The following COG7 variants were observed in gnomAD, a reference collection of about 807,000 sequenced individuals.
COG7 encodes component of oligomeric golgi complex 7.
COG7 carries 49 observed loss-of-function variants against 91.5 expected under a neutral mutation model. That is an observed-to-expected ratio of 0.54 (90% confidence interval 0.43 to 0.68). The LOEUF (loss-of-function observed/expected upper bound fraction) is 0.68, where lower values mean the gene tolerates loss of function less well. COG7 is among the 30% of genes least tolerant of loss of function. The pLI, the probability that COG7 is intolerant of heterozygous loss-of-function variation, is 0.00. For synonymous variants in COG7, 365 were observed against 388.7 expected (o/e 0.94, Z 0.72); for missense variants, 895 against 961.3 (o/e 0.93, Z 0.91).
intron 10 of COG7, among the ~76,000 whole-genome samples, chr16:23,412,174 C>A (rs924472600): frequency 2.6e-5 from 4 of 152,168 alleles, no homozygotes; most frequent in African/African-American, 9.7e-5. Context: ...AGCCACTGTG[C>A]CCAGCCTGCT....
chr16:23,395,913 G>A (rs1278646453), intron 14 of COG7, among the ~76,000 whole-genome samples: 1 of 152,216 alleles, frequency 6.6e-6, no homozygotes, highest in Non-Finnish European at 1.5e-5. Context: ...TCAGGACCTC[G>A]GATCATCATC....
intron 1 of COG7, among the ~76,000 whole-genome samples, chr16:23,451,725 CAAA>C (rs34572078): frequency 3.7e-4 from 29 of 78,308 alleles, no homozygotes; most frequent in Admixed American, 6.9e-4. Flanking sequence ...GACCCTGTCT[CAAA>C]AAAAAAAAAA....
intron 9 of COG7, chr16:23,416,715 T>G (rs1963660589): frequency 3.6e-6 from 2 of 551,090 alleles, no homozygotes; most frequent in Non-Finnish European, 3.2e-6. Flanking sequence ...ATACTTTAAC[T>G]GCTGCACAAG....
intron 9 of COG7, 76 bp from the exon 10 acceptor site, chr16:23,413,640 G>C (rs1963605151): frequency 1.2e-6 from 1 of 847,704 alleles, no homozygotes; most frequent in Non-Finnish European, 2.1e-6. Context: ...GAATTCTACA[G>C]CTCTGGACAA....
chr16:23,396,184 G>C (rs372361903), intron 14 of COG7, among the ~76,000 whole-genome samples: 1 of 152,186 alleles, frequency 6.6e-6, no homozygotes, highest in African/African-American at 2.4e-5. Flanking sequence ...CCTGGGTTCA[G>C]GTCATCAGCC....
intron 9 of COG7, chr16:23,416,510 ACAAT>A: frequency 4.0e-6 from 1 of 251,230 alleles, no homozygotes; most frequent in African/African-American, 2.3e-5. Context: ...TATTTCTGGA[ACAAT>A]CAGAGACAGG....
intron 9 of COG7, 68 bp downstream of exon 9, chr16:23,416,899 G>C (rs749313216): frequency 1.9e-6 from 3 of 1,574,810 alleles, no homozygotes; most frequent in Non-Finnish European, 2.6e-6. Context: ...TACAGAACAC[G>C]TGCATTTTTA....
intron 2 of COG7, 129 bp from the exon 3 acceptor site, chr16:23,445,293 A>C: frequency 2.6e-6 from 2 of 772,000 alleles, no homozygotes; most frequent in East Asian, 4.9e-5. Flanking sequence ...CAAAACACCA[A>C]TCATCTGGCT....
intron 9 of COG7, chr16:23,415,893 G>C (rs1340653028): frequency 1.3e-5 from 2 of 152,078 alleles, no homozygotes; most frequent in African/African-American, 2.4e-5. Flanking sequence ...GCTTCAACCT[G>C]ATTTCCCTGA....
intron 7 of COG7, among the ~76,000 whole-genome samples, chr16:23,420,375 G>A (rs546684500): frequency 6.6e-6 from 1 of 152,282 alleles, no homozygotes; most frequent in Admixed American, 6.5e-5. Context: ...ATTAGTAAAT[G>A]TAATAGCCTA....
intron 14 of COG7, among the ~76,000 whole-genome samples, chr16:23,397,494 G>C (rs1963304838): frequency 6.6e-6 from 1 of 152,160 alleles, no homozygotes; most frequent in African/African-American, 2.4e-5. Context: ...GGGGTGAATG[G>C]GGAGGGCAGC....
intron 4 of COG7, among the ~76,000 whole-genome samples, chr16:23,438,738 A>C (rs1964051399): frequency 6.6e-6 from 1 of 151,964 alleles, no homozygotes; most frequent in Non-Finnish European, 1.5e-5. Flanking sequence ...TCCAAAAAAA[A>C]ACAAAAAATG....
chr16:23,404,294 C>T (rs1029347386), intron 12 of COG7, among the ~76,000 whole-genome samples: 2 of 152,244 alleles, frequency 1.3e-5, no homozygotes, highest in Non-Finnish European at 2.9e-5. Flanking sequence ...AAAGTATGTA[C>T]AACCTCCATG....
chr16:23,451,687 C>G (rs984284605), intron 1 of COG7, among the ~76,000 whole-genome samples: 2 of 146,832 alleles, frequency 1.4e-5, no homozygotes, highest in Non-Finnish European at 3.0e-5. Context: ...TCACTGCATT[C>G]CAGCTTGGGC....
At chr16:23,422,541 T>C (rs1216230666) in intron 7 of COG7, among the ~76,000 whole-genome samples, 1 of 149,594 alleles carries the variant, frequency 6.7e-6, no homozygotes, top group Non-Finnish European at 1.5e-5. Flanking sequence ...TATTACATAA[T>C]ATTTATATGG....
chr16:23,391,599 A>G (rs973771959), intron 16 of COG7, among the ~76,000 whole-genome samples: 6 of 152,200 alleles, frequency 3.9e-5, no homozygotes, highest in African/African-American at 9.7e-5. Context: ...CCCTGTGGTC[A>G]CTGAGGACGA....
chr16:23,435,388 CA>C (rs1479804121), intron 4 of COG7, among the ~76,000 whole-genome samples: 1 of 152,066 alleles, frequency 6.6e-6, no homozygotes, highest in African/African-American at 2.4e-5. Flanking sequence ...AACAAAAAAA[CA>C]AAACATAAAA....
rs78310027 is a variant in COG7, at chr16:23,427,479, A to G, written c.811-2532T>C. On this transcript the variant is annotated intron_variant, in intron 6 of 16. Coordinates refer to ENST00000307149, the MANE Select transcript of COG7 (RefSeq NM_153603.4). ...ACAGAGAGAAACTCTGTCTCAAAAG[A>G]AAAAAAAAAAACAAAAAACAGCTAA... is the stretch of plus-strand genomic sequence containing the variant. 8.9e-5 allele frequency among the ~76,000 whole-genome samples: 11 copies of G among 123,020 alleles called. No homozygotes were observed. In the East Asian group the frequency reaches 2.3e-3, roughly 25 times the overall value. The allele number at this position is 123,020 out of a possible 152,430, so 80.7% of individuals were successfully genotyped here. A position where few individuals can be genotyped will look rare whatever the true frequency, so the allele number is the denominator to read the frequency against.
chr16:23,431,618 A>C (rs1257330934), intron 6 of COG7, among the ~76,000 whole-genome samples: 1 of 149,798 alleles, frequency 6.7e-6, no homozygotes, highest in African/African-American at 2.5e-5. Flanking sequence ...AGACCAGCCC[A>C]GCCAACATGG....
Sources: allele counts gnomAD v4.1 joint callset (sites outside exome capture counted in the v4.1 genomes callset), GRCh38; gene constraint gnomAD v4.1.1; transcripts MANE v1.5; gene names NCBI Gene and HGNC (gene_info 2026-07-23, HGNC 2026-07-21).